The following AFG2A variants were observed in gnomAD, a reference collection of about 807,000 sequenced individuals.
AFG2A encodes ATPase family gene 2 protein homolog A.
At chr4:123,151,467 C>T in the AFG2A span, among the ~76,000 whole-genome samples, 7 of 151,966 alleles carry the variant, frequency 4.6e-5, no homozygotes, top group African/African-American at 4.8e-5. Context: ...AAAAAGTGGG[C>T]GAAGGATATC....
the AFG2A span, among the ~76,000 whole-genome samples, chr4:122,996,717 C>T: frequency 6.6e-6 from 1 of 151,916 alleles, no homozygotes; most frequent in Non-Finnish European, 1.5e-5. Flanking sequence ...GTAGGGAAGC[C>T]TGTAGAAGGT....
chr4:122,951,009 C>A, the AFG2A span, among the ~76,000 whole-genome samples: 1 of 152,176 alleles, frequency 6.6e-6, no homozygotes, highest in Non-Finnish European at 1.5e-5. Context: ...AACCAGTTGA[C>A]CACATCGTCT....
chr4:122,959,375 T>A, the AFG2A span, among the ~76,000 whole-genome samples: 6 of 152,314 alleles, frequency 3.9e-5, no homozygotes, highest in South Asian at 1.2e-3. Context: ...AATAAAACTT[T>A]AAAAGTGGCA....
chr4:123,274,197 A>C, the AFG2A span, among the ~76,000 whole-genome samples: 1 of 152,092 alleles, frequency 6.6e-6, no homozygotes, highest in Non-Finnish European at 1.5e-5. Context: ...CATTTTCTAT[A>C]CATAATGGCT....
the AFG2A span, among the ~76,000 whole-genome samples, chr4:123,051,817 T>A: frequency 1.3e-5 from 2 of 152,090 alleles, no homozygotes; most frequent in South Asian, 4.1e-4. Context: ...CCAAGTGTAT[T>A]GGATCTCCCT....
the AFG2A span, among the ~76,000 whole-genome samples, chr4:123,007,999 GT>G: frequency 6.6e-6 from 1 of 151,804 alleles, no homozygotes; most frequent in Non-Finnish European, 1.5e-5. Context: ...TTTTTGTTTT[GT>G]TTTTTCCAGA....
At chr4:123,302,258 C>T in the AFG2A span, among the ~76,000 whole-genome samples, 1 of 152,174 alleles carries the variant, frequency 6.6e-6, no homozygotes, top group Non-Finnish European at 1.5e-5. Context: ...GTCCTCCTCT[C>T]CTCTTTGCCC....
the AFG2A span, among the ~76,000 whole-genome samples, chr4:123,120,329 T>A: frequency 0.037 from 5,570 of 152,182 alleles, 339 homozygotes; most frequent in African/African-American, 0.13. Flanking sequence ...TCCAAATAAC[T>A]TCTCAGAGAA....
chr4:123,180,973 C>T, the AFG2A span, among the ~76,000 whole-genome samples: 1 of 141,568 alleles, frequency 7.1e-6, no homozygotes, highest in African/African-American at 2.5e-5. Flanking sequence ...CTTCCTCCTC[C>T]CCCTCTTTTT....
the AFG2A span, among the ~76,000 whole-genome samples, chr4:123,293,610 A>C: frequency 6.6e-6 from 1 of 152,178 alleles, no homozygotes; most frequent in Non-Finnish European, 1.5e-5. Flanking sequence ...TCCTGAGCAG[A>C]ACAAAGTCCC....
the AFG2A span, among the ~76,000 whole-genome samples, chr4:123,217,968 C>T: frequency 1.3e-5 from 2 of 152,148 alleles, no homozygotes; most frequent in Non-Finnish European, 2.9e-5. Context: ...ACTCCCTCTT[C>T]CCAGGATAGT....
the AFG2A span, among the ~76,000 whole-genome samples, chr4:123,097,225 G>T: frequency 6.6e-6 from 1 of 151,952 alleles, no homozygotes; most frequent in African/African-American, 2.4e-5. Flanking sequence ...CTAAATATAC[G>T]TATCTTTCGA....
At chr4:123,247,224 CGTGT>C in the AFG2A span, among the ~76,000 whole-genome samples, 5 of 149,748 alleles carry the variant, frequency 3.3e-5, no homozygotes, top group South Asian at 2.1e-4. Context: ...TACTTGCGTG[CGTGT>C]GTGTGTGTGT....
the AFG2A span, chr4:123,090,721 T>C: frequency 1.4e-5 from 22 of 1,599,850 alleles, no homozygotes; most frequent in East Asian, 4.2e-4. Flanking sequence ...AGAGAAGGCA[T>C]TGTGGATATT....
chr4:123,167,166 A>G, the AFG2A span, among the ~76,000 whole-genome samples: 1 of 148,728 alleles, frequency 6.7e-6, no homozygotes, highest in East Asian at 1.9e-4. Context: ...AGGGCCTTAT[A>G]GTATATATAA....
At chr4:123,178,006 A>G in the AFG2A span, among the ~76,000 whole-genome samples, 3 of 152,338 alleles carry the variant, frequency 2.0e-5, no homozygotes, top group East Asian at 1.9e-4. Flanking sequence ...AGTACACTAC[A>G]TTAGTTTTAT....
At chr4:122,997,214 G>A in the AFG2A span, among the ~76,000 whole-genome samples, 1 of 151,994 alleles carries the variant, frequency 6.6e-6, no homozygotes, top group South Asian at 2.1e-4. Flanking sequence ...ACAATTCCAT[G>A]GTCTTTAGTA....
At chr4:122,923,977 G>A in the AFG2A span, among the ~76,000 whole-genome samples, 2 of 152,154 alleles carry the variant, frequency 1.3e-5, no homozygotes, top group African/African-American at 4.8e-5. Flanking sequence ...TTGGGAGAAC[G>A]TATTTATACT....
At chr4:123,021,913 C>T in the AFG2A span, among the ~76,000 whole-genome samples, 1 of 151,790 alleles carries the variant, frequency 6.6e-6, no homozygotes, top group African/African-American at 2.4e-5. Flanking sequence ...CTTTGACAAA[C>T]CTGAGAAAAA....
Sources: gnomAD v4.1 joint callset for allele counts (sites outside exome capture counted in the v4.1 genomes callset) on GRCh38, gnomAD v4.1.1 for gene constraint, MANE v1.5 for transcripts, NCBI Gene and HGNC (gene_info 2026-07-23, HGNC 2026-07-21) for gene names.